Variants in IL19 observed in about 807,000 individuals in gnomAD.
IL19 encodes interleukin-19.
A neutral mutation model predicts 19.5 loss-of-function variants in IL19; 15 were observed. The ratio of observed to expected loss-of-function variants is 0.77; its 90% CI spans 0.52 to 1.19. The LOEUF is 1.19. Among genes scored for constraint, IL19 ranks in the 50% most tolerant of loss-of-function variants. The pLI is 0.00. For missense variants in IL19, 199 were observed against 213.1 expected (o/e 0.93, Z 0.41); for synonymous variants, 78 against 78.3 (o/e 1.00, Z 0.02).
chr1:206,807,906 A>C (rs1239497057), intron 2 of IL19, among the ~76,000 whole-genome samples: 1 of 142,918 alleles, frequency 7.0e-6, no homozygotes, highest in African/African-American at 2.6e-5. Flanking sequence ...ATAATTTCTA[A>C]GGTGATGGTA....
At chr1:206,828,466 TTGTC>T (rs1284342424) in intron 2 of IL19, among the ~76,000 whole-genome samples, 1 of 152,226 alleles carries the variant, frequency 6.6e-6, no homozygotes, top group Non-Finnish European at 1.5e-5. Context: ...ATTTGCTTCT[TTGTC>T]TGTGCTCCAA....
intron 2 of IL19, among the ~76,000 whole-genome samples, chr1:206,831,627 T>G (rs116353336): frequency 6.6e-6 from 1 of 152,228 alleles, no homozygotes; most frequent in Non-Finnish European, 1.5e-5. Flanking sequence ...CGCCAGGTAC[T>G]GTGCTGAGGA....
chr1:206,805,452 A>G (rs147686975), intron 2 of IL19, among the ~76,000 whole-genome samples: 2 of 152,394 alleles, frequency 1.3e-5, no homozygotes, highest in Non-Finnish European at 2.9e-5. Flanking sequence ...TGCTAAAACA[A>G]TTTACATCTG....
rs2243159 is a variant in IL19, at chr1:206,834,412, G to A, written c.-2-2249G>A. The A allele has an allele frequency of 8.7e-4, 858 of 985,618 alleles. 8 individuals are homozygous for A. The African/African-American group carries it at 0.014, about 16-fold the overall frequency. 61.1% of individuals were successfully genotyped at this position (985,618 alleles called of 1,614,324 possible). ...GCACCAAGTGAGAGGTGAGGCTCAC[G>A]CTGTCCGTCATCAGGGGCTCCTATG... On this transcript the variant is annotated intron_variant, in intron 2 of 6. Coordinates refer to ENST00000659997, the MANE Select transcript of IL19 (RefSeq NM_153758.5).
intron 2 of IL19, chr1:206,833,878 C>T: frequency 4.1e-6 from 4 of 985,498 alleles, no homozygotes; most frequent in Non-Finnish European, 4.8e-6. Context: ...TAGCTAGCAC[C>T]TGGCACATGG....
At chr1:206,786,702 G>T (rs1447066949) in intron 1 of IL19, among the ~76,000 whole-genome samples, 2 of 152,078 alleles carry the variant, frequency 1.3e-5, no homozygotes, top group African/African-American at 4.8e-5. Context: ...TGTAACCAAG[G>T]TGCGGGCCTG....
At chr1:206,781,879 A>G (rs1263583410) in intron 1 of IL19, among the ~76,000 whole-genome samples, 1 of 136,406 alleles carries the variant, frequency 7.3e-6, no homozygotes, top group East Asian at 2.0e-4. Flanking sequence ...TTATATATAC[A>G]TATATATGTA....
chr1:206,815,466 T>C (rs12740047), intron 2 of IL19, among the ~76,000 whole-genome samples: 2,080 of 152,320 alleles, frequency 0.014, 46 homozygotes, highest in Admixed American at 0.024. Context: ...AGTTAACTGC[T>C]AAATAAAGTG....
intron 2 of IL19, among the ~76,000 whole-genome samples, chr1:206,824,431 A>G (rs1423014778): frequency 6.6e-6 from 1 of 152,244 alleles, no homozygotes; most frequent in Non-Finnish European, 1.5e-5. Context: ...TATTGGTGGA[A>G]TAGAGGAAAA....
chr1:206,841,286 C>T (rs1485883759), intron 6 of IL19, among the ~76,000 whole-genome samples: 1 of 152,212 alleles, frequency 6.6e-6, no homozygotes, highest in African/African-American at 2.4e-5. Flanking sequence ...ATCATTCCTC[C>T]ACCATTTTCT....
chr1:206,840,220 A>G, intron 5 of IL19: 1 of 695,138 alleles, frequency 1.4e-6, no homozygotes, highest in South Asian at 1.5e-5. Context: ...CTCCTCCTAG[A>G]TAACCCTCCT....
chr1:206,812,682 AC>A (rs575652549), intron 2 of IL19, among the ~76,000 whole-genome samples: 261 of 152,346 alleles, frequency 1.7e-3, no homozygotes, highest in African/African-American at 5.7e-3. Context: ...TTACCCCACC[AC>A]ATAAAAAACC....
chr1:206,838,117 G>A (rs981724287), intron 4 of IL19, among the ~76,000 whole-genome samples: 4 of 152,206 alleles, frequency 2.6e-5, no homozygotes, highest in Admixed American at 6.5e-5. Context: ...AGACAATCTG[G>A]TGCTGTTCTT....
At chr1:206,801,587 C>T (rs1045190884) in intron 2 of IL19, among the ~76,000 whole-genome samples, 3 of 152,240 alleles carry the variant, frequency 2.0e-5, no homozygotes, top group East Asian at 1.9e-4. Flanking sequence ...CTTATCCTTC[C>T]GGTCAAAGTT....
chr1:206,786,344 T>A (rs1001047913), intron 1 of IL19, among the ~76,000 whole-genome samples: 20 of 152,220 alleles, frequency 1.3e-4, no homozygotes, highest in African/African-American at 4.3e-4. Context: ...GCTATGACTG[T>A]TGATATCACC....
chr1:206,774,378 T>C (rs1317526347), intron 1 of IL19, among the ~76,000 whole-genome samples: 2 of 152,236 alleles, frequency 1.3e-5, no homozygotes, highest in African/African-American at 4.8e-5. Context: ...TGAGTTCTGC[T>C]GCCAGGAAGC....
chr1:206,806,076 C>A (rs1264060926), intron 2 of IL19, among the ~76,000 whole-genome samples: 3 of 152,142 alleles, frequency 2.0e-5, no homozygotes, highest in African/African-American at 7.2e-5. Context: ...AATACATGTA[C>A]CATTAACCTT....
chr1:206,808,787 G>T (rs957170952), intron 2 of IL19, among the ~76,000 whole-genome samples: 1 of 152,178 alleles, frequency 6.6e-6, no homozygotes, highest in Non-Finnish European at 1.5e-5. Flanking sequence ...CCTAAGAAAA[G>T]GCTCCCAGCC....
intron 2 of IL19, among the ~76,000 whole-genome samples, chr1:206,834,863 T>A (rs1345011655): frequency 6.6e-6 from 1 of 152,186 alleles, no homozygotes; most frequent in Non-Finnish European, 1.5e-5. Context: ...GGAGTAGCAG[T>A]AAAGACAGCC....
Sources: allele counts gnomAD v4.1 joint callset (sites outside exome capture counted in the v4.1 genomes callset), GRCh38; gene constraint gnomAD v4.1.1; transcripts MANE v1.5; gene names NCBI Gene and HGNC (gene_info 2026-07-23, HGNC 2026-07-21).